Variants in ATP6V1E1 observed in about 807,000 individuals in gnomAD.
ATP6V1E1 encodes ATPase H+ transporting V1 subunit E1.
A neutral mutation model predicts 35.2 loss-of-function variants in ATP6V1E1; 21 were observed. The observed-to-expected ratio is 0.60, with a 90% CI of 0.42 to 0.86. The LOEUF (loss-of-function observed/expected upper bound fraction) is 0.86. Ranked by LOEUF, ATP6V1E1 falls within the 40% of genes least tolerant of loss-of-function variation. The probability of loss-of-function intolerance (pLI) is 0.00; values close to 1 mark genes in which losing one functional copy is unlikely to be tolerated. For missense variants in ATP6V1E1, 183 were observed against 272.6 expected (o/e 0.67, Z 2.32); for synonymous variants, 83 against 87.8 (o/e 0.95, Z 0.30).
intron 4 of ATP6V1E1, 116 bp from the exon 5 acceptor site, chr22:17,601,297 T>G (rs2057760636): frequency 1.3e-6 from 1 of 767,940 alleles, no homozygotes; most frequent in Admixed American, 2.4e-5. Flanking sequence ...TGCTGGATTT[T>G]CATTCAACAC....
chr22:17,601,334 A>G (rs377691880), intron 4 of ATP6V1E1, among the ~76,000 whole-genome samples, 153 bp from the exon 5 acceptor site: 1 of 152,178 alleles, frequency 6.6e-6, no homozygotes, highest in African/African-American at 2.4e-5. Flanking sequence ...GAGATAAAGC[A>G]GGGGCTGTGC....
At chr22:17,595,558 G>A (rs1201471695) in intron 7 of ATP6V1E1, among the ~76,000 whole-genome samples, 1 of 152,162 alleles carries the variant, frequency 6.6e-6, no homozygotes, top group African/African-American at 2.4e-5. Flanking sequence ...GGCCGGGCGT[G>A]GTAGCTCACC....
rs111674457 is a variant in ATP6V1E1, at chr22:17,612,805, T to A, written c.276+7A>T. On this transcript the variant is annotated splice_region_variant and intron_variant, in intron 4 of 8. Coordinates refer to ENST00000253413, the MANE Select transcript of ATP6V1E1 (RefSeq NM_001696.4). ...AATTTTATAACTAATAGGGGCTAATTACTCACTGTGATAAGGTCATCTCTT... is the reference window on the plus strand; with the variant it reads ...AATTTTATAACTAATAGGGGCTAATAACTCACTGTGATAAGGTCATCTCTT... 6 of 1,576,026 alleles carry A rather than the reference T, an allele frequency of 3.8e-6. No homozygotes were observed. Among genetic ancestry groups the A allele is most frequent in the African/African-American group, 1.4e-5 (1 of 73,072 alleles).
At position 17,596,650 on chromosome 22, in the gene ATP6V1E1, C is replaced by T. The variant is rs563581707; in HGVS notation, c.530+1544G>A. 2.0e-5 allele frequency among the ~76,000 whole-genome samples: 3 copies of T among 152,186 alleles called. 1 individual carries two copies. Among genetic ancestry groups the T allele is most frequent in the Admixed American group, 2.0e-4 (3 of 15,286 alleles). On this transcript the variant is annotated intron_variant, in intron 7 of 8. Coordinates refer to ENST00000253413, the MANE Select transcript of ATP6V1E1 (RefSeq NM_001696.4). ...TAGCAACACTAAATGGACGACACCACTCAATGAAACTGAATAAACGAGTCC... is the reference window on the plus strand; with the variant it reads ...TAGCAACACTAAATGGACGACACCATTCAATGAAACTGAATAAACGAGTCC...
intron 1 of ATP6V1E1, among the ~76,000 whole-genome samples, chr22:17,621,013 G>T (rs569465400): frequency 2.3e-4 from 35 of 152,156 alleles, no homozygotes; most frequent in African/African-American, 8.0e-4. Context: ...AGTGAGCCGA[G>T]ATCGCGCCAC....
chr22:17,612,938 C>T (rs752693996), intron 3 of ATP6V1E1, 60 bp from the exon 4 acceptor site: 9 of 1,489,184 alleles, frequency 6.0e-6, no homozygotes, highest in East Asian at 4.6e-5. Flanking sequence ...AGAAAGAATT[C>T]GAACTCCTGG....
At chr22:17,594,921 G>A in intron 7 of ATP6V1E1, 1 of 184,154 alleles carries the variant, frequency 5.4e-6, no homozygotes. Context: ...CGATGTAAAT[G>A]GTTGTTATAC....
chr22:17,628,485 C>T, intron 1 of ATP6V1E1, 118 bp downstream of exon 1: 1 of 1,399,638 alleles, frequency 7.1e-7, no homozygotes, highest in East Asian at 2.3e-5. Context: ...TGACTTGGAG[C>T]AAGGGACCTT....
intron 4 of ATP6V1E1, among the ~76,000 whole-genome samples, chr22:17,608,151 C>T (rs546866398): frequency 1.5e-3 from 229 of 152,208 alleles, no homozygotes; most frequent in Non-Finnish European, 2.6e-3. Context: ...GGGGCCAGCA[C>T]GATACAGGAC....
chr22:17,623,708 T>C (rs182363433), intron 1 of ATP6V1E1, among the ~76,000 whole-genome samples: 2 of 152,174 alleles, frequency 1.3e-5, no homozygotes, highest in African/African-American at 4.8e-5. Context: ...AACCGGTGTT[T>C]ATAAATGCTA....
intron 4 of ATP6V1E1, chr22:17,612,599 T>C (rs934503072): frequency 1.6e-5 from 8 of 512,346 alleles, no homozygotes; most frequent in African/African-American, 1.4e-4. Context: ...GTGTGTGCTA[T>C]AATCCAGGAG....
rs573307245 is a variant in ATP6V1E1 at position 17,620,802 on chromosome 22, G to A, written c.34-1276C>T. ...TTACCGGCCGGGCATGGTGGCTCACGCCTGTAATCCCAGAACTTTGGGAGG... is the reference window on the plus strand; with the variant it reads ...TTACCGGCCGGGCATGGTGGCTCACACCTGTAATCCCAGAACTTTGGGAGG... On this transcript the variant is annotated intron_variant, in intron 1 of 8. Coordinates refer to ENST00000253413, the MANE Select transcript of ATP6V1E1 (RefSeq NM_001696.4). Among the ~76,000 whole-genome samples, 473 of 152,108 alleles carry A rather than the reference G, an allele frequency of 3.1e-3. 2 individuals carry two copies. Among genetic ancestry groups the A allele is most frequent in the Non-Finnish European group, 4.1e-3 (281 of 68,010 alleles).
At chr22:17,615,020 G>A (rs1228626842) in intron 2 of ATP6V1E1, among the ~76,000 whole-genome samples, 4 of 151,586 alleles carry the variant, frequency 2.6e-5, no homozygotes, top group African/African-American at 9.7e-5. Context: ...TATAAATTAT[G>A]GGCTGGGCGC....
chr22:17,603,347 C>T (rs2057770840), intron 4 of ATP6V1E1, among the ~76,000 whole-genome samples: 1 of 151,238 alleles, frequency 6.6e-6, no homozygotes, highest in South Asian at 2.1e-4. Context: ...CAGAGTGAGA[C>T]CTCGTCTCTG....
At position 17,598,344 on chromosome 22, in the gene ATP6V1E1, A is replaced by C. The variant is rs1241099785; in HGVS notation, c.436-56T>G. On this transcript the variant is annotated intron_variant, in intron 6 of 8. Transcript: ENST00000253413. Reference sequence around the variant, plus strand: ...ACTAGGAACTATGAAGCAAGTATCCAAAAACTCAACAGACTATACAAGCAA... The same window carrying C: ...ACTAGGAACTATGAAGCAAGTATCCCAAAACTCAACAGACTATACAAGCAA... The C allele has an allele frequency of 8.7e-6, 12 of 1,380,454 alleles. No homozygotes were observed. The Admixed American group carries it at 2.1e-4, about 24-fold the overall frequency. 85.5% of individuals were successfully genotyped at this position (1,380,454 alleles called of 1,614,324 possible).
At chr22:17,621,580 T>C (rs560768994) in intron 1 of ATP6V1E1, among the ~76,000 whole-genome samples, 14 of 152,122 alleles carry the variant, frequency 9.2e-5, no homozygotes, top group African/African-American at 3.4e-4. Context: ...CAGGTGTGAG[T>C]CACCGTACTC....
chr22:17,614,160 G>C (rs1038320268), intron 2 of ATP6V1E1, among the ~76,000 whole-genome samples: 3 of 152,072 alleles, frequency 2.0e-5, no homozygotes, highest in Non-Finnish European at 4.4e-5. Flanking sequence ...AGATCGGCCT[G>C]ATCAACATAG....
intron 2 of ATP6V1E1, among the ~76,000 whole-genome samples, chr22:17,618,843 T>TA (rs1171239520): frequency 6.6e-6 from 1 of 151,172 alleles, no homozygotes; most frequent in Non-Finnish European, 1.5e-5. Flanking sequence ...CTACTAAAAA[T>TA]ACAAAAATTA....
At chr22:17,621,738 G>C (rs1241593176) in intron 1 of ATP6V1E1, among the ~76,000 whole-genome samples, 1 of 152,130 alleles carries the variant, frequency 6.6e-6, no homozygotes, top group Non-Finnish European at 1.5e-5. Context: ...CAAACATGCT[G>C]TTCCTTCCAT....
Sources: allele counts gnomAD v4.1 joint callset (sites outside exome capture counted in the v4.1 genomes callset), GRCh38; gene constraint gnomAD v4.1.1; transcripts MANE v1.5; gene names NCBI Gene and HGNC (gene_info 2026-07-23, HGNC 2026-07-21).